ATG3: variants seen among roughly 807,000 people sequenced by gnomAD.
ATG3 encodes the protein ubiquitin-like-conjugating enzyme ATG3.
Under a neutral mutation model 50.7 loss-of-function variants are expected in ATG3, and 25 were observed. That is an observed-to-expected ratio of 0.49 (90% CI 0.36 to 0.69). The LOEUF (loss-of-function observed/expected upper bound fraction) is 0.69. Among genes scored for constraint, ATG3 ranks in the 30% least tolerant of loss-of-function variants. ATG3 has a pLI of 0.00. For synonymous variants in ATG3, 119 were observed against 125.5 expected, an observed-to-expected ratio of 0.95 and a Z score of 0.34; for missense variants, 281 against 376.0, an observed-to-expected ratio of 0.75 and a Z score of 2.09.
chr3:112,534,222 T>A (rs1302655418), intron 11 of ATG3, 47 bp downstream of exon 11: 12 of 1,369,052 alleles, frequency 8.8e-6, no homozygotes, highest in Non-Finnish European at 1.2e-5. Flanking sequence ...AAAAAAAAAA[T>A]CGTTAACAGC....
intron 4 of ATG3, 92 bp from the exon 5 acceptor site, chr3:112,548,732 G>A (rs1244400817): frequency 1.9e-6 from 2 of 1,056,702 alleles, no homozygotes; most frequent in South Asian, 1.3e-5. Flanking sequence ...ATAAAATAGG[G>A]TGTTTATACC....
chr3:112,549,158 G>GA (rs1221813439), intron 4 of ATG3, among the ~76,000 whole-genome samples: 1 of 152,108 alleles, frequency 6.6e-6, no homozygotes, highest in African/African-American at 2.4e-5. Context: ...CCAACCTTCT[G>GA]ATTTTTACTT....
At chr3:112,549,798 C>CAAAAA (rs71631400) in intron 4 of ATG3, among the ~76,000 whole-genome samples, 3 of 116,798 alleles carry the variant, frequency 2.6e-5, no homozygotes, top group African/African-American at 3.6e-5. Flanking sequence ...TCAAAACAAC[C>CAAAAA]AAAAAAAAAA....
At chr3:112,556,118 T>TA (rs1933663180) in intron 2 of ATG3, among the ~76,000 whole-genome samples, 1 of 152,260 alleles carries the variant, frequency 6.6e-6, no homozygotes, top group African/African-American at 2.4e-5. Flanking sequence ...AATCAAAACT[T>TA]AGTTTTATTT....
chr3:112,546,258 C>A (rs1241333621), intron 5 of ATG3, among the ~76,000 whole-genome samples: 2 of 152,204 alleles, frequency 1.3e-5, no homozygotes, highest in African/African-American at 4.8e-5. Context: ...TCCAAGACCC[C>A]CAGAGGGTGT....
At chr3:112,546,146 CAA>C (rs891072816) in intron 5 of ATG3, among the ~76,000 whole-genome samples, 1 of 151,074 alleles carries the variant, frequency 6.6e-6, no homozygotes, top group East Asian at 1.9e-4. Context: ...AAAAAAAACA[CAA>C]AAAAACAAAA....
chr3:112,532,558 T>C lies in ATG3; in HGVS notation c.*141A>G. On this transcript the variant is annotated 3_prime_UTR_variant, in exon 12 of 12. Transcript: ENST00000283290. ...AACAAGTAAGGCTGGTAGTGGAACA[T>C]ATTTTTATTTAATGCATAAACATAT... The C allele has an allele frequency of 1.9e-6, 1 of 513,330 alleles. No individual in the cohort carries two copies. Among genetic ancestry groups the C allele is most frequent in the Non-Finnish European group, 3.1e-6 (1 of 324,312 alleles). The allele number at this position is 513,330 out of a possible 1,614,324, so 31.8% of individuals were successfully genotyped here. A position where few individuals can be genotyped will look rare whatever the true frequency, so the allele number is the denominator to read the frequency against.
At chr3:112,549,514 C>T (rs889965747) in intron 4 of ATG3, among the ~76,000 whole-genome samples, 3 of 152,028 alleles carry the variant, frequency 2.0e-5, no homozygotes, top group Non-Finnish European at 4.4e-5. Context: ...ATAAATAAAA[C>T]ACTACCTGTT....
intron 7 of ATG3, among the ~76,000 whole-genome samples, chr3:112,540,517 C>T (rs899272386): frequency 6.6e-6 from 1 of 151,930 alleles, no homozygotes; most frequent in Non-Finnish European, 1.5e-5. Context: ...TCAACTCTCA[C>T]AAAGTACTGG....
intron 9 of ATG3, 31 bp from the exon 10 acceptor site, chr3:112,536,633 T>C (rs1255660229): frequency 6.2e-7 from 1 of 1,610,422 alleles, no homozygotes; most frequent in Non-Finnish European, 8.5e-7. Context: ...TTGAAATTAC[T>C]ATTTAAGGCC....
At chr3:112,556,277 G>A (rs1427207616) in intron 2 of ATG3, among the ~76,000 whole-genome samples, 1 of 152,242 alleles carries the variant, frequency 6.6e-6, no homozygotes, top group East Asian at 1.9e-4. Context: ...GTCCCGTCCG[G>A]GAGGTGAGGG....
At chr3:112,550,143 T>C in intron 4 of ATG3, 49 bp downstream of exon 4, 1 of 1,371,772 alleles carries the variant, frequency 7.3e-7, no homozygotes, top group Non-Finnish European at 1.0e-6. Context: ...AGCTTCATTT[T>C]AATATACCTC....
chr3:112,536,708 T>C, intron 9 of ATG3, 106 bp from the exon 10 acceptor site: 1 of 1,203,658 alleles, frequency 8.3e-7, no homozygotes, highest in Non-Finnish European at 1.2e-6. Flanking sequence ...GATCACATGG[T>C]CAGGAGATCG....
At chr3:112,559,654 C>T (rs1255919468) in intron 1 of ATG3, among the ~76,000 whole-genome samples, 1 of 152,138 alleles carries the variant, frequency 6.6e-6, no homozygotes, top group Non-Finnish European at 1.5e-5. Context: ...CTGTTAAGTG[C>T]GAAGCGCGTT....
intron 6 of ATG3, 98 bp from the exon 7 acceptor site, chr3:112,541,982 A>T: frequency 2.3e-6 from 2 of 856,254 alleles, no homozygotes; most frequent in Non-Finnish European, 3.5e-6. Context: ...TGTGAAAATA[A>T]GAATGACAAG....
chr3:112,534,215 A>AT (rs1231719396), intron 11 of ATG3, 54 bp downstream of exon 11: 7 of 1,587,710 alleles, frequency 4.4e-6, no homozygotes, highest in Non-Finnish European at 6.0e-6. Flanking sequence ...ATTTCTCAAA[A>AT]AAAAAATCGT....
intron 1 of ATG3, 46 bp from the exon 2 acceptor site, chr3:112,558,463 T>C (rs768413717): frequency 2.1e-6 from 3 of 1,421,110 alleles, no homozygotes; most frequent in Admixed American, 3.5e-5. Context: ...TGTTTCACTA[T>C]CAATTAAATA....
intron 2 of ATG3, among the ~76,000 whole-genome samples, chr3:112,555,437 C>T (rs909921907): frequency 1.3e-5 from 2 of 152,176 alleles, no homozygotes; most frequent in African/African-American, 4.8e-5. Flanking sequence ...TCAATATTTA[C>T]ACCTTGGTGA....
intron 3 of ATG3, among the ~76,000 whole-genome samples, chr3:112,551,807 C>G (rs950532173): frequency 1.3e-5 from 2 of 151,688 alleles, no homozygotes; most frequent in African/African-American, 4.8e-5. Flanking sequence ...AACAGAAAAT[C>G]TGGAATACAG....
Sources: gnomAD v4.1 joint callset for allele counts (sites outside exome capture counted in the v4.1 genomes callset) on GRCh38, gnomAD v4.1.1 for gene constraint, MANE v1.5 for transcripts, NCBI Gene and HGNC (gene_info 2026-07-23, HGNC 2026-07-21) for gene names.